The following KIAA1328 variants were observed in gnomAD, a reference collection of about 807,000 sequenced individuals.
KIAA1328 encodes protein hinderin.
Under a neutral mutation model 68.1 loss-of-function variants are expected in KIAA1328, and 52 were observed. The observed-to-expected ratio is 0.76, with a 90% CI of 0.61 to 0.96. KIAA1328 has a LOEUF of 0.96. Among genes scored for constraint, KIAA1328 ranks in the 40% least tolerant of loss-of-function variants. The pLI is 0.00. For missense variants in KIAA1328, 641 were observed against 677.6 expected (o/e 0.95, Z 0.60); for synonymous variants, 232 against 239.4 (o/e 0.97, Z 0.28).
At chr18:37,149,707 T>A (rs1317892170) in intron 7 of KIAA1328, among the ~76,000 whole-genome samples, 1 of 152,200 alleles carries the variant, frequency 6.6e-6, no homozygotes, top group African/African-American at 2.4e-5. Flanking sequence ...AATTGTTGAC[T>A]GAAACCTCAT....
intron 6 of KIAA1328, among the ~76,000 whole-genome samples, chr18:37,037,167 G>A (rs1449219661): frequency 6.7e-6 from 1 of 149,850 alleles, no homozygotes; most frequent in Non-Finnish European, 1.5e-5. Flanking sequence ...ATAGGGATTT[G>A]TATAAAAAAA....
chr18:37,019,112 G>A (rs2054251331), intron 6 of KIAA1328, among the ~76,000 whole-genome samples: 2 of 147,496 alleles, frequency 1.4e-5, no homozygotes, highest in South Asian at 2.3e-4. Context: ...TTTTCCTATG[G>A]TGTTATTGTT....
chr18:37,124,191 G>A (rs548857883), intron 7 of KIAA1328, among the ~76,000 whole-genome samples: 107 of 152,118 alleles, frequency 7.0e-4, no homozygotes, highest in Middle Eastern at 3.4e-3. Context: ...AATACTGGTG[G>A]ACAAAAATAA....
chr18:37,173,971 T>C (rs2059548364), intron 9 of KIAA1328, among the ~76,000 whole-genome samples: 1 of 152,206 alleles, frequency 6.6e-6, no homozygotes, highest in African/African-American at 2.4e-5. Flanking sequence ...GCTCTTTTTG[T>C]CATTCCTTTA....
chr18:36,882,064 A>G (rs1421578730), intron 4 of KIAA1328, among the ~76,000 whole-genome samples: 4 of 152,214 alleles, frequency 2.6e-5, no homozygotes, highest in African/African-American at 9.6e-5. Flanking sequence ...TAAGCACTGT[A>G]CAAGGGTTTT....
chr18:36,990,793 C>G (rs2053145980), intron 6 of KIAA1328, among the ~76,000 whole-genome samples: 1 of 151,826 alleles, frequency 6.6e-6, no homozygotes, highest in Admixed American at 6.6e-5. Context: ...GTTAAATTCC[C>G]TAAAATGGAA....
intron 7 of KIAA1328, among the ~76,000 whole-genome samples, chr18:37,071,404 G>T (rs543954260): frequency 2.1e-3 from 323 of 152,142 alleles, no homozygotes; most frequent in African/African-American, 7.3e-3. Context: ...AAGTGTATAT[G>T]ATTTCCCATA....
chr18:37,094,055 G>T (rs2057336545), intron 7 of KIAA1328, among the ~76,000 whole-genome samples: 1 of 152,170 alleles, frequency 6.6e-6, no homozygotes, highest in South Asian at 2.1e-4. Flanking sequence ...GATGGTTTTG[G>T]GATGAAACTG....
At chr18:37,158,579 G>T (rs183011188) in intron 7 of KIAA1328, among the ~76,000 whole-genome samples, 99 of 152,216 alleles carry the variant, frequency 6.5e-4, no homozygotes, top group African/African-American at 2.3e-3. Flanking sequence ...AAAATTTTTT[G>T]AGACATGAAG....
At chr18:36,918,134 C>T (rs1426336530) in intron 5 of KIAA1328, among the ~76,000 whole-genome samples, 1 of 152,032 alleles carries the variant, frequency 6.6e-6, no homozygotes, top group Non-Finnish European at 1.5e-5. Flanking sequence ...AGTAACACAT[C>T]CTCTTTTTGC....
At chr18:37,185,034 C>T (rs546190724) in intron 9 of KIAA1328, among the ~76,000 whole-genome samples, 71 of 151,926 alleles carry the variant, frequency 4.7e-4, no homozygotes, top group East Asian at 5.8e-4. Context: ...GGCGTGGTGG[C>T]GGGTACCTGT....
chr18:37,094,612 A>G (rs1358267037), intron 7 of KIAA1328, among the ~76,000 whole-genome samples: 2 of 152,214 alleles, frequency 1.3e-5, no homozygotes, highest in African/African-American at 2.4e-5. Context: ...TGTTACCACT[A>G]CAAAAATAAA....
intron 5 of KIAA1328, among the ~76,000 whole-genome samples, chr18:36,922,098 T>C (rs1178409049): frequency 1.3e-5 from 2 of 152,032 alleles, no homozygotes; most frequent in Non-Finnish European, 2.9e-5. Flanking sequence ...TATATGTAGC[T>C]AGTCAAGTCA....
intron 7 of KIAA1328, among the ~76,000 whole-genome samples, chr18:37,089,536 G>A (rs564300667): frequency 9.2e-5 from 14 of 151,890 alleles, no homozygotes; most frequent in South Asian, 4.2e-4. Flanking sequence ...CGCCATGCCC[G>A]GCTAATTTTT....
chr18:36,885,932 GT>G (rs934653755), intron 5 of KIAA1328: 3 of 416,972 alleles, frequency 7.2e-6, no homozygotes, highest in African/African-American at 6.2e-5. Flanking sequence ...GGCCAGGCTG[GT>G]CTTGAACTCC....
In KIAA1328 at chr18:36,984,056, T is replaced by C. The variant is rs9959034; in HGVS notation, c.576+24621T>C. On this transcript the variant is annotated intron_variant, in intron 6 of 9. Transcript: ENST00000280020. ...TTTTTTAGATGAAGTCTAACATATA[T>C]TAGTGATAAAAACCTTTGGCAAACT... Among the ~76,000 whole-genome samples the C allele has an allele frequency of 4.3e-3, 651 of 152,262 alleles. 8 individuals are homozygous for C. The highest frequency in any genetic ancestry group is 0.015 in the African/African-American group (627 of 41,566).
chr18:36,877,593 CAT>C (rs1329381927), intron 4 of KIAA1328, among the ~76,000 whole-genome samples: 16 of 144,664 alleles, frequency 1.1e-4, no homozygotes, highest in African/African-American at 3.8e-4. Context: ...TGTCTTTGCA[CAT>C]GAGATGGGTG....
At chr18:37,060,884 G>A (rs1192487668) in intron 6 of KIAA1328, among the ~76,000 whole-genome samples, 6 of 152,162 alleles carry the variant, frequency 3.9e-5, no homozygotes, top group African/African-American at 9.7e-5. Context: ...TTGGGAGGCC[G>A]AGGCAGGTGG....
At chr18:37,100,307 G>A (rs947087045) in intron 7 of KIAA1328, among the ~76,000 whole-genome samples, 3 of 152,186 alleles carry the variant, frequency 2.0e-5, no homozygotes, top group African/African-American at 7.2e-5. Context: ...CTGGAAAATC[G>A]GGTCACTCCC....
Sources: allele counts gnomAD v4.1 joint callset (sites outside exome capture counted in the v4.1 genomes callset), GRCh38; gene constraint gnomAD v4.1.1; transcripts MANE v1.5; gene names NCBI Gene and HGNC (gene_info 2026-07-23, HGNC 2026-07-21).